Variants in EYA1 observed in about 807,000 individuals in gnomAD.
EYA1 encodes the protein EYA transcriptional coactivator and phosphatase 1.
Under a neutral mutation model 82.0 loss-of-function variants are expected in EYA1, and 16 were observed. That is an observed-to-expected ratio of 0.20 (90% CI 0.13 to 0.30). The LOEUF is 0.30. Among genes scored for constraint, EYA1 ranks in the 10% least tolerant of loss-of-function variants. The pLI is 1.00. For synonymous variants in EYA1, 261 were observed against 264.4 expected, an observed-to-expected ratio of 0.99 and a Z score of 0.12; for missense variants, 633 against 730.7, an observed-to-expected ratio of 0.87 and a Z score of 1.54.
At chr8:71,402,262 G>A (rs892524615) in intron 2 of EYA1, among the ~76,000 whole-genome samples, 3 of 152,082 alleles carry the variant, frequency 2.0e-5, no homozygotes, top group Admixed American at 6.6e-5. Context: ...CCCTCCACTT[G>A]CTTTCTCTCA....
At chr8:71,496,880 C>T (rs939647357) in intron 2 of EYA1, among the ~76,000 whole-genome samples, 1 of 149,802 alleles carries the variant, frequency 6.7e-6, no homozygotes, top group African/African-American at 2.5e-5. Context: ...TTTTTAACCT[C>T]ACTCACTTTT....
Position 71,354,850 on chromosome 8 carries a change from G to C in EYA1, c.56C>G (p.Ser19Cys), listed in dbSNP as rs2129069830. 6.2e-7 allele frequency: 1 copy of C among 1,613,618 alleles called. No individual in the cohort carries two copies. The highest frequency in any genetic ancestry group is 1.7e-5 in the Admixed American group (1 of 60,028). Residue 19 changes from serine to cysteine, a missense_variant, in exon 3 of 18, where the codon TCC (serine) becomes TGC (cysteine). By Grantham distance (112) the Ser-to-Cys change is moderately radical. Coordinates refer to ENST00000340726, the MANE Select transcript of EYA1 (RefSeq NM_000503.6). The part of the protein sequence containing the change: ...PHSRLSGSSE[S>C]PSGPKLGNSH... ...GTTACCGAGTTTGGGGCCACTGGGG[G>C]ATTCACTACTACCACTCAGACGGCT... is the stretch of plus-strand genomic sequence containing the variant.
intron 2 of EYA1, among the ~76,000 whole-genome samples, chr8:71,402,881 G>A (rs911255484): frequency 6.6e-6 from 1 of 152,214 alleles, no homozygotes; most frequent in Non-Finnish European, 1.5e-5. Flanking sequence ...AATAAATACT[G>A]TAAGCATAGC....
At chr8:71,326,205 G>A (rs931821270) in intron 4 of EYA1, among the ~76,000 whole-genome samples, 7 of 152,090 alleles carry the variant, frequency 4.6e-5, no homozygotes, top group African/African-American at 1.7e-4. Context: ...TGGGACCACT[G>A]GGAAGAGCAA....
chr8:71,269,968 C>T, intron 10 of EYA1, 145 bp from the exon 11 acceptor site: 1 of 698,922 alleles, frequency 1.4e-6, no homozygotes, highest in South Asian at 1.6e-5. Context: ...ACAACTGTTT[C>T]AAAGAGTATC....
rs140159417 is a variant in EYA1 at position 71,242,535 on chromosome 8, T to C, written c.1140+2068A>G. 9.7e-3 allele frequency among the ~76,000 whole-genome samples: 1,475 copies of C among 152,306 alleles called. 11 individuals are homozygous for C. Among genetic ancestry groups the C allele is most frequent in the Middle Eastern group, 0.044 (13 of 294 alleles). On this transcript the variant is annotated intron_variant, in intron 12 of 17. Coordinates refer to ENST00000340726, the MANE Select transcript of EYA1 (RefSeq NM_000503.6). The stretch of plus-strand genomic sequence containing the variant: ...TGCTTTTTCTTTTTCTTTTGAAATT[T>C]GGGTTTACAGAAAAAAATACATCTC...
chr8:71,252,183 C>T (rs886713744), intron 11 of EYA1, among the ~76,000 whole-genome samples: 2 of 151,960 alleles, frequency 1.3e-5, no homozygotes, highest in South Asian at 2.1e-4. Context: ...TATAGCACTT[C>T]TGATTCTTTA....
chr8:71,505,577 T>G (rs1187279751), intron 2 of EYA1, among the ~76,000 whole-genome samples: 2 of 152,150 alleles, frequency 1.3e-5, no homozygotes, highest in Non-Finnish European at 2.9e-5. Flanking sequence ...TAGGGATGCT[T>G]TTACAGCAGC....
At chr8:71,342,606 T>C (rs755744910) in intron 3 of EYA1, among the ~76,000 whole-genome samples, 1 of 152,166 alleles carries the variant, frequency 6.6e-6, no homozygotes, top group East Asian at 1.9e-4. Flanking sequence ...CCAAAGTGTA[T>C]GACAAAAACC....
intron 3 of EYA1, among the ~76,000 whole-genome samples, chr8:71,345,478 G>A (rs1825594827): frequency 6.6e-6 from 1 of 152,160 alleles, no homozygotes; most frequent in Admixed American, 6.5e-5. Flanking sequence ...TCAAACAGAG[G>A]CAGGCAGGCT....
At chr8:71,414,977 T>C (rs1830781133) in intron 2 of EYA1, among the ~76,000 whole-genome samples, 2 of 152,206 alleles carry the variant, frequency 1.3e-5, no homozygotes, top group African/African-American at 4.8e-5. Context: ...CCACTAAAAT[T>C]ACAAAGTCTG....
At chr8:71,244,109 A>C (rs1355851439) in intron 12 of EYA1, among the ~76,000 whole-genome samples, 1 of 152,224 alleles carries the variant, frequency 6.6e-6, no homozygotes, top group African/African-American at 2.4e-5. Context: ...ATGGACCAAT[A>C]AAATTAACAG....
In EYA1 at chr8:71,354,831, G is replaced by A. The variant is rs185389264; in HGVS notation, c.75C>T (p.Leu25=). 20 of 1,613,694 alleles carry A rather than the reference G, an allele frequency of 1.2e-5. No individual in the cohort carries two copies. The highest frequency in any genetic ancestry group is 2.2e-5 in the East Asian group (1 of 44,842). ...AATTACTATTTATATGAGAGTTACC[G>A]AGTTTGGGGCCACTGGGGGATTCAC... ...GSSESPSGPK[L]GNSHINSNSM... Residue 25 remains leucine, a synonymous_variant, in exon 3 of 18, where the codon CTC becomes CTT. Coordinates refer to ENST00000340726, the MANE Select transcript of EYA1 (RefSeq NM_000503.6).
intron 2 of EYA1, among the ~76,000 whole-genome samples, chr8:71,412,799 C>G (rs942598721): frequency 3.9e-5 from 6 of 152,326 alleles, no homozygotes; most frequent in African/African-American, 1.4e-4. Flanking sequence ...GAGTCATCAT[C>G]ATGATCCCTG....
chr8:71,429,156 C>T (rs1194502871), intron 2 of EYA1, among the ~76,000 whole-genome samples: 1 of 152,062 alleles, frequency 6.6e-6, no homozygotes, highest in Non-Finnish European at 1.5e-5. Context: ...CTTCGTTTTC[C>T]AAACATGACC....
intron 2 of EYA1, among the ~76,000 whole-genome samples, chr8:71,472,723 G>T (rs1394087324): frequency 6.8e-6 from 1 of 147,840 alleles, no homozygotes; most frequent in East Asian, 2.1e-4. Flanking sequence ...TGACCAAGCC[G>T]CACATTTAAC....
At chr8:71,458,257 G>C (rs970012272) in intron 2 of EYA1, among the ~76,000 whole-genome samples, 4 of 152,142 alleles carry the variant, frequency 2.6e-5, no homozygotes, top group Admixed American at 1.3e-4. Flanking sequence ...TATATAGTCT[G>C]AGGTAAGACA....
chr8:71,321,719 T>C lies in EYA1; in HGVS notation c.418+15A>G, dbSNP rs1382505479. 2 of 1,613,518 alleles carry C rather than the reference T, an allele frequency of 1.2e-6. No individual in the cohort carries two copies. Among genetic ancestry groups the C allele is most frequent in the Non-Finnish European group, 1.7e-6 (2 of 1,179,584 alleles). On this transcript the variant is annotated intron_variant, in intron 6 of 17. Transcript: ENST00000340726. The stretch of plus-strand genomic sequence containing the variant: ...CCATGCGATAACGCCACCACTACAG[T>C]TGCAGGTTACTCACCATATGAGGAA...
intron 2 of EYA1, among the ~76,000 whole-genome samples, chr8:71,445,712 C>T (rs1445803210): frequency 1.3e-5 from 2 of 152,206 alleles, no homozygotes; most frequent in East Asian, 3.9e-4. Flanking sequence ...GATCTCGGCT[C>T]ACTGCCAGCT....
Sources: allele counts gnomAD v4.1 joint callset (sites outside exome capture counted in the v4.1 genomes callset), GRCh38; gene constraint gnomAD v4.1.1; transcripts MANE v1.5; gene names NCBI Gene and HGNC (gene_info 2026-07-23, HGNC 2026-07-21).